SFXN3: variants seen among roughly 807,000 people sequenced by gnomAD.
SFXN3 encodes the protein sideroflexin 3.
A neutral mutation model predicts 40.4 loss-of-function variants in SFXN3; 31 were observed. The observed-to-expected ratio is 0.77, with a 90% CI of 0.58 to 1.04. SFXN3 has a LOEUF of 1.04. Ranked by LOEUF, SFXN3 falls within the 50% of genes least tolerant of loss-of-function variation. The probability of loss-of-function intolerance (pLI) is 0.00; values close to 1 mark genes in which losing one functional copy is unlikely to be tolerated. For missense variants in SFXN3, 366 were observed against 408.2 expected, an observed-to-expected ratio of 0.90 and a Z score of 0.89; for synonymous variants, 157 against 160.0, an observed-to-expected ratio of 0.98 and a Z score of 0.14.
chr10:101,032,357 G>A, exon 2 of SFXN3: 2 of 1,280,796 alleles, frequency 1.6e-6, no homozygotes, highest in Non-Finnish European at 2.1e-6. Flanking sequence ...CGGCCGGGAA[G>A]CTCCTGCCCC....
chr10:101,032,366 C>T (rs1035961425), exon 2 of SFXN3: 49 of 1,337,590 alleles, frequency 3.7e-5, no homozygotes, highest in Non-Finnish European at 4.5e-5. Context: ...AGCTCCTGCC[C>T]CTCCCTGCTG....
chr10:101,032,219 C>A (rs928936504), intron 1 of SFXN3, 95 bp from the exon 2 acceptor site: 3 of 467,498 alleles, frequency 6.4e-6, no homozygotes, highest in Non-Finnish European at 1.2e-5. Flanking sequence ...CAGAACTGAT[C>A]CCCGAGGTGG....
At chr10:101,032,581 G>A (rs1418965997) in intron 2 of SFXN3, 99 bp downstream of exon 2, 20 of 1,345,590 alleles carry the variant, frequency 1.5e-5, no homozygotes, top group Non-Finnish European at 1.8e-5. Context: ...CAATGTCCTC[G>A]GCTCTGTGGA....
chr10:101,039,312 G>A lies in SFXN3; in HGVS notation c.869+90G>A, dbSNP rs1938784574. 3 of 1,328,442 alleles carry A rather than the reference G, an allele frequency of 2.3e-6. No individual in the cohort carries two copies. The highest frequency in any genetic ancestry group is 1.8e-5 in the Admixed American group (1 of 54,972). The allele number at this position is 1,328,442 out of a possible 1,614,324, so 82.3% of individuals were successfully genotyped here. A position where few individuals can be genotyped will look rare whatever the true frequency, so the allele number is the denominator to read the frequency against. On this transcript the variant is annotated intron_variant, in intron 11 of 11. Coordinates refer to ENST00000393459, the Ensembl canonical transcript of SFXN3. The surrounding 1 kb of genome is among the most constrained non-coding windows in gnomAD (Gnocchi z 4.6). ...ACCTAGGGTCTTCCAGGGTGTTCAG[G>A]AGGAGGCCTGGCAGGCACTCCACTG... is the stretch of plus-strand genomic sequence containing the variant.
At position 101,039,303 on chromosome 10, in the gene SFXN3, G is replaced by A. The variant is rs1399234665; in HGVS notation, c.869+81G>A. 1 of 1,401,358 alleles carries A rather than the reference G, an allele frequency of 7.1e-7. No individual in the cohort carries two copies. The highest frequency in any genetic ancestry group is 9.9e-7 in the Non-Finnish European group (1 of 1,005,296). The allele number at this position is 1,401,358 out of a possible 1,614,324, so 86.8% of individuals were successfully genotyped here. A position where few individuals can be genotyped will look rare whatever the true frequency, so the allele number is the denominator to read the frequency against. ...GACCAGCTGACCTAGGGTCTTCCAG[G>A]GTGTTCAGGAGGAGGCCTGGCAGGC... On this transcript the variant is annotated intron_variant, in intron 11 of 11. Coordinates refer to ENST00000393459, the Ensembl canonical transcript of SFXN3. The surrounding 1 kb of genome is among the most constrained non-coding windows in gnomAD (Gnocchi z 4.6).
intron 10 of SFXN3, 89 bp downstream of exon 10, chr10:101,038,781 T>A: frequency 6.4e-7 from 1 of 1,569,264 alleles, no homozygotes; most frequent in South Asian, 1.1e-5. Flanking sequence ...AAGATGTTTA[T>A]AGACATCATC....
rs1035094515 is a variant in SFXN3, at chr10:101,036,243, G to A, written c.431+142G>A. The A allele has an allele frequency of 2.2e-5, 17 of 787,326 alleles. No homozygotes were observed. The highest frequency in any genetic ancestry group is 5.3e-5 in the East Asian group (2 of 37,706). The allele number at this position is 787,326 out of a possible 1,614,324, so 48.8% of individuals were successfully genotyped here. A position where few individuals can be genotyped will look rare whatever the true frequency, so the allele number is the denominator to read the frequency against. ...CCCTCTCCTCAGCCTGCCCCACCCC[G>A]AATTACCCTGCCTAACTGAAGGCAT... On this transcript the variant is annotated intron_variant, in intron 5 of 11. Transcript: ENST00000393459. This position sits in a 1 kb window ranked among gnomAD's most constrained non-coding sequence, Gnocchi z 4.2.
At position 101,035,680 on chromosome 10, in the gene SFXN3, C is replaced by T. The variant is rs764621858; in HGVS notation, c.332+13C>T. 1.3e-6 allele frequency: 2 copies of T among 1,599,714 alleles called. No homozygotes were observed. Among genetic ancestry groups the T allele is most frequent in the South Asian group, 2.3e-5 (2 of 88,426 alleles). On this transcript the variant is annotated intron_variant, in intron 4 of 11. Transcript: ENST00000393459. ...TCACATTCTACAGGCAGGTCTTGTC[C>T]CACGTCCCCTTCTTCAGTGCCCTAA...
chr10:101,035,471 T>C, intron 3 of SFXN3, 26 bp from the exon 4 acceptor site: 1 of 1,582,662 alleles, frequency 6.3e-7, no homozygotes, highest in Non-Finnish European at 8.6e-7. Context: ...TGGCATAGCC[T>C]GTCTGCTCCT....
intron 1 of SFXN3, 45 bp from the exon 2 acceptor site, chr10:101,032,269 G>C: frequency 1.9e-6 from 1 of 539,694 alleles, no homozygotes; most frequent in Non-Finnish European, 3.3e-6. Flanking sequence ...GGTCCAGGTG[G>C]CCCAGGCTGG....
chr10:101,031,561 AG>A, intron 1 of SFXN3, 27 bp downstream of exon 1: 1 of 148,390 alleles, frequency 6.7e-6, no homozygotes, highest in Non-Finnish European at 1.5e-5. Flanking sequence ...TGCGTGGCGG[AG>A]GGGGTGCCTT....
chr10:101,032,414 A>G, exon 2 of SFXN3: 6 of 1,293,716 alleles, frequency 4.6e-6, no homozygotes, highest in East Asian at 3.4e-5. Flanking sequence ...GATGGCTGGG[A>G]GGGCCCGGCG....
rs775483337 is a variant in SFXN3 at position 101,039,819 on chromosome 10, C to T, written c.*234C>T. On this transcript the variant is annotated 3_prime_UTR_variant, in exon 12 of 12. Coordinates refer to ENST00000393459, the Ensembl canonical transcript of SFXN3. This position sits in a 1 kb window ranked among gnomAD's most constrained non-coding sequence, Gnocchi z 4.6. ...CCCCTCCTGTGCTTGAGTGTCCATG[C>T]ATATACATACATGATACACATGTGT... 6 of 570,136 alleles carry T rather than the reference C, an allele frequency of 1.1e-5. No individual in the cohort carries two copies. Among genetic ancestry groups the T allele is most frequent in the Non-Finnish European group, 1.6e-5 (5 of 316,964 alleles). 35.3% of individuals were successfully genotyped at this position (570,136 alleles called of 1,614,324 possible). A position where few individuals can be genotyped will look rare whatever the true frequency, so the allele number is the denominator to read the frequency against.
intron 2 of SFXN3, among the ~76,000 whole-genome samples, chr10:101,032,782 G>A (rs1046039916): frequency 1.3e-5 from 2 of 152,214 alleles, no homozygotes; most frequent in African/African-American, 4.8e-5. Flanking sequence ...GTGTCTTTGT[G>A]TGTGGGTATG....
chr10:101,032,499 C>T lies in SFXN3; in HGVS notation c.-4+17C>T. Reference sequence around the variant, plus strand: ...ATGGAAAGCGTAAGTGCTCGCTCTCCCCGGCGGGCGGGGTTCTGGAATGGG... The same window carrying T: ...ATGGAAAGCGTAAGTGCTCGCTCTCTCCGGCGGGCGGGGTTCTGGAATGGG... On this transcript the variant is annotated intron_variant, in intron 2 of 11. Coordinates refer to ENST00000393459, the Ensembl canonical transcript of SFXN3. 2 of 1,535,424 alleles carry T rather than the reference C, an allele frequency of 1.3e-6. No individual in the cohort carries two copies. Among genetic ancestry groups the T allele is most frequent in the East Asian group, 2.6e-5 (1 of 38,536 alleles).
intron 2 of SFXN3, 139 bp downstream of exon 2, chr10:101,032,621 TG>T (rs907170809): frequency 4.0e-6 from 4 of 994,424 alleles, no homozygotes; most frequent in Admixed American, 3.9e-5. Flanking sequence ...CAAGGGAGGT[TG>T]GGGGGAGGAA....
chr10:101,037,106 T>C (rs1229999240), exon 8 of SFXN3: 6 of 1,613,850 alleles, frequency 3.7e-6, no homozygotes, highest in Non-Finnish European at 5.1e-6. Flanking sequence ...CGGTGGCTGA[T>C]GAGGCAGGTC....
At chr10:101,035,826 C>CAGT in intron 4 of SFXN3, 159 bp downstream of exon 4, 2 of 1,163,634 alleles carry the variant, frequency 1.7e-6, no homozygotes, top group Admixed American at 4.2e-5. Flanking sequence ...ACCCCAGAGA[C>CAGT]AGTAGGTGTG....
At chr10:101,033,382 C>T (rs1938419430) in intron 2 of SFXN3, among the ~76,000 whole-genome samples, 1 of 152,164 alleles carries the variant, frequency 6.6e-6, no homozygotes, top group African/African-American at 2.4e-5. Flanking sequence ...TAAATCCTCA[C>T]TCATGAAAAT....
Sources: gnomAD v4.1 joint callset for allele counts (sites outside exome capture counted in the v4.1 genomes callset) on GRCh38, gnomAD v4.1.1 for gene constraint, Gnocchi (gnomAD v3.1) non-coding constraint, MANE v1.5 for transcripts, NCBI Gene and HGNC (gene_info 2026-07-23, HGNC 2026-07-21) for gene names.